CEP57: variants seen among roughly 807,000 people sequenced by gnomAD.
The protein encoded by CEP57 is centrosomal protein 57, also known as centrosomal protein of 57 kDa.
In CEP57, 40 loss-of-function variants were observed where a neutral mutation model predicts 68.0. The ratio of observed to expected loss-of-function variants is 0.59; its 90% CI spans 0.46 to 0.77. CEP57 has a LOEUF of 0.77. Ranked by LOEUF, CEP57 falls within the 30% of genes least tolerant of loss-of-function variation. The pLI, the probability that CEP57 is intolerant of heterozygous loss-of-function variation, is 0.00. For missense variants in CEP57, 606 were observed against 580.7 expected, an observed-to-expected ratio of 1.04 and a Z score of -0.45; for synonymous variants, 219 against 198.7, an observed-to-expected ratio of 1.10 and a Z score of -0.86.
rs1404680803 is a variant in CEP57, at chr11:95,790,845, C to G, written c.45+102C>G. 6 of 1,390,398 alleles carry G rather than the reference C, an allele frequency of 4.3e-6. No homozygotes were observed. The Middle Eastern group carries it at 5.3e-4, about 122-fold the overall frequency. The allele number at this position is 1,390,398 out of a possible 1,614,324, so 86.1% of individuals were successfully genotyped here. A position where few individuals can be genotyped will look rare whatever the true frequency, so the allele number is the denominator to read the frequency against. On this transcript the variant is annotated intron_variant, in intron 1 of 10. Transcript: ENST00000325542. ...TGTCAGTCCAGCTTCTGACGCAATT[C>G]TGGAGGTCGGCGGGAATGCCTAGAT...
At chr11:95,792,940 T>C (rs1389186516) in intron 1 of CEP57, among the ~76,000 whole-genome samples, 3 of 152,012 alleles carry the variant, frequency 2.0e-5, no homozygotes, top group Non-Finnish European at 4.4e-5. Flanking sequence ...AAAAAACTTG[T>C]TAAAACTATA....
chr11:95,797,097 G>A (rs1173132624), intron 1 of CEP57, among the ~76,000 whole-genome samples: 1 of 151,762 alleles, frequency 6.6e-6, no homozygotes, highest in Non-Finnish European at 1.5e-5. Flanking sequence ...GGCTCAATCT[G>A]TCCCTTACCT....
intron 3 of CEP57, 98 bp downstream of exon 3, chr11:95,813,209 C>T (rs1862146977): frequency 8.1e-7 from 1 of 1,227,128 alleles, no homozygotes; most frequent in Non-Finnish European, 1.2e-6. Context: ...GTAGCGGTAT[C>T]TTCAAGTACT....
chr11:95,795,558 A>ATG (rs1861307709), intron 1 of CEP57: 4 of 541,460 alleles, frequency 7.4e-6, no homozygotes, highest in Non-Finnish European at 1.3e-5. Flanking sequence ...ACCAGAATTG[A>ATG]TGTAGGTATC....
chr11:95,812,095 A>G (rs1862089551), intron 2 of CEP57, among the ~76,000 whole-genome samples: 1 of 152,196 alleles, frequency 6.6e-6, no homozygotes, highest in African/African-American at 2.4e-5. Flanking sequence ...ACATAATTTT[A>G]TAATCAAACT....
At chr11:95,813,332 A>T in intron 3 of CEP57, 136 bp from the exon 4 acceptor site, 1 of 1,108,632 alleles carries the variant, frequency 9.0e-7, no homozygotes, top group Non-Finnish European at 1.3e-6. Context: ...AGAATGATTT[A>T]GGTAATCTGA....
intron 2 of CEP57, among the ~76,000 whole-genome samples, chr11:95,809,772 C>A (rs1861969822): frequency 6.6e-6 from 1 of 152,126 alleles, no homozygotes; most frequent in African/African-American, 2.4e-5. Context: ...ACCAGAGGCA[C>A]AAAGAGGAGC....
intron 7 of CEP57, chr11:95,822,234 T>C (rs2135353493): frequency 1.7e-6 from 1 of 577,136 alleles, no homozygotes; most frequent in East Asian, 2.9e-5. Flanking sequence ...TCTTGTGCTC[T>C]TACAATGTTT....
At chr11:95,792,816 A>G (rs891373201) in intron 1 of CEP57, among the ~76,000 whole-genome samples, 1 of 152,192 alleles carries the variant, frequency 6.6e-6, no homozygotes, top group African/African-American at 2.4e-5. Context: ...GGTGCGTAAG[A>G]AAACGTCCTG....
chr11:95,805,806 T>A (rs1041688328), intron 2 of CEP57, among the ~76,000 whole-genome samples: 2 of 152,186 alleles, frequency 1.3e-5, no homozygotes, highest in Non-Finnish European at 2.9e-5. Context: ...AGGGTGTGTA[T>A]GTAACAAAGA....
chr11:95,831,184 T>C lies in CEP57; in HGVS notation c.1431T>C (p.Asn477=), dbSNP rs1457132958. 1 of 1,613,390 alleles carries C rather than the reference T, an allele frequency of 6.2e-7. No homozygotes were observed. The highest frequency in any genetic ancestry group is 2.2e-5 in the East Asian group (1 of 44,846). Residue 477 remains asparagine, a synonymous_variant, in exon 11 of 11, where the codon AAT becomes AAC. Coordinates refer to ENST00000325542, the MANE Select transcript of CEP57 (RefSeq NM_014679.5). ...KLRPGEKRRK[N]LQLLKDMQSI... is the part of the protein sequence containing the mutation. Reference sequence around the variant, plus strand: ...GACCTGGAGAAAAAAGGAGAAAAAATCTTCAGTTATTGAAGGACATGCAAA... The same window carrying C: ...GACCTGGAGAAAAAAGGAGAAAAAACCTTCAGTTATTGAAGGACATGCAAA...
intron 8 of CEP57, chr11:95,822,835 G>T (rs1862571458): frequency 6.4e-6 from 3 of 469,330 alleles, no homozygotes; most frequent in Non-Finnish European, 1.2e-5. Context: ...GTTGAAGAAG[G>T]TGTTGTTTCA....
intron 1 of CEP57, among the ~76,000 whole-genome samples, chr11:95,791,430 G>A (rs2135227482): frequency 6.6e-6 from 1 of 152,304 alleles, no homozygotes; most frequent in East Asian, 1.9e-4. Context: ...AAATTGGAGT[G>A]TCGAATGCTT....
At chr11:95,828,117 T>G in intron 9 of CEP57, 90 bp downstream of exon 9, 1 of 1,467,016 alleles carries the variant, frequency 6.8e-7, no homozygotes, top group Non-Finnish European at 9.2e-7. Flanking sequence ...TTACTTTCCT[T>G]TGTTGAGCAA....
At position 95,831,256 on chromosome 11, in the gene CEP57, A is replaced by G; in HGVS notation, c.1503A>G (p.Ter501TrpextTer11). 6.2e-7 allele frequency: 1 copy of G among 1,602,970 alleles called. No individual in the cohort carries two copies. Among genetic ancestry groups the G allele is most frequent in the South Asian group, 1.1e-5 (1 of 90,750 alleles). ...LQSSSLCWDY[*>W] ...GCAGTAGTTTGTGTTGGGATTACTG[A>G]CTCATAACCAGGTCAGAAATTTTAT... Residue 501 changes from the stop codon to tryptophan, a stop_lost, in exon 11 of 11, where the codon TGA (stop) becomes TGG (tryptophan). Transcript: ENST00000325542.
At chr11:95,825,000 A>C (rs2135363591) in intron 8 of CEP57, among the ~76,000 whole-genome samples, 1 of 152,340 alleles carries the variant, frequency 6.6e-6, no homozygotes, top group South Asian at 2.1e-4. Context: ...AGTCTTTTTA[A>C]TACTAGGCAT....
At chr11:95,810,752 C>T (rs71597577) in intron 2 of CEP57, among the ~76,000 whole-genome samples, 23 of 152,252 alleles carry the variant, frequency 1.5e-4, no homozygotes, top group African/African-American at 3.6e-4. Context: ...GAATCAATAT[C>T]GTGGAAATAG....
At chr11:95,808,314 G>A (rs1004575898) in intron 2 of CEP57, among the ~76,000 whole-genome samples, 1 of 151,082 alleles carries the variant, frequency 6.6e-6, no homozygotes, top group Non-Finnish European at 1.5e-5. Context: ...ATCAACTAAC[G>A]AGCAAAATAA....
rs561797624 is a variant in CEP57, at chr11:95,808,954, G to C, written c.203-3978G>C. On this transcript the variant is annotated intron_variant, in intron 2 of 10. Coordinates refer to ENST00000325542, the MANE Select transcript of CEP57 (RefSeq NM_014679.5). ...TCCAAAACTGACCACATAGTTGGAA[G>C]TAAAGCACTCCTCAGCAAATGTAAA... Among the ~76,000 whole-genome samples the C allele has an allele frequency of 2.6e-5, 4 of 152,306 alleles. No individual in the cohort carries two copies. The South Asian group carries it at 8.3e-4, about 32-fold the overall frequency.
Sources: gnomAD v4.1 joint callset for allele counts (sites outside exome capture counted in the v4.1 genomes callset) on GRCh38, gnomAD v4.1.1 for gene constraint, MANE v1.5 for transcripts, NCBI Gene and HGNC (gene_info 2026-07-23, HGNC 2026-07-21) for gene names.